The following ZNF143 variants were observed in gnomAD, a reference collection of about 807,000 sequenced individuals.
The protein encoded by ZNF143 is zinc finger protein 143, also known as SPH-binding factor.
In ZNF143, 49 loss-of-function variants were observed where a neutral mutation model predicts 74.1. The ratio of observed to expected loss-of-function variants is 0.66; its 90% CI spans 0.53 to 0.84. The LOEUF (loss-of-function observed/expected upper bound fraction) is 0.84. ZNF143 is among the 40% of genes least tolerant of loss of function. The pLI, the probability that ZNF143 is intolerant of heterozygous loss-of-function variation, is 0.00. For missense variants in ZNF143, 637 were observed against 793.4 expected, an observed-to-expected ratio of 0.80 and a Z score of 2.37; for synonymous variants, 304 against 282.8, an observed-to-expected ratio of 1.07 and a Z score of -0.75.
At chr11:9,501,063 T>C in intron 10 of ZNF143, 28 bp from the exon 11 acceptor site, 3 of 1,613,230 alleles carry the variant, frequency 1.9e-6, no homozygotes, top group Non-Finnish European at 2.5e-6. Flanking sequence ...TTTTGCACCA[T>C]TTAATGTATT....
At chr11:9,461,242 G>T (rs1162471311) in intron 1 of ZNF143, among the ~76,000 whole-genome samples, 166 bp downstream of exon 1, 1 of 152,156 alleles carries the variant, frequency 6.6e-6, no homozygotes, top group Non-Finnish European at 1.5e-5. Flanking sequence ...GCGGCGTCTG[G>T]GCAGAAGCGG....
At chr11:9,490,697 G>A (rs1389324838) in intron 7 of ZNF143, among the ~76,000 whole-genome samples, 1 of 151,984 alleles carries the variant, frequency 6.6e-6, no homozygotes, top group African/African-American at 2.4e-5. Flanking sequence ...ATTTTTAAAG[G>A]GTTCATAGAG....
chr11:9,507,892 A>G (rs1848418576), intron 11 of ZNF143, among the ~76,000 whole-genome samples: 1 of 152,224 alleles, frequency 6.6e-6, no homozygotes. Flanking sequence ...ATAAGAAACA[A>G]TATTGGTCAT....
intron 5 of ZNF143, among the ~76,000 whole-genome samples, chr11:9,476,746 C>CTTTTTTT (rs869069237): frequency 0.034 from 1,174 of 34,860 alleles, 370 homozygotes; most frequent in South Asian, 0.052. Flanking sequence ...AGGGAGGAAT[C>CTTTTTTT]TTTTTTTTTT....
chr11:9,521,951 A>G (rs1382943008), intron 14 of ZNF143, among the ~76,000 whole-genome samples: 1 of 151,862 alleles, frequency 6.6e-6, no homozygotes. Flanking sequence ...CAGTAGTCCC[A>G]GCTACTCAGG....
intron 7 of ZNF143, among the ~76,000 whole-genome samples, chr11:9,491,871 C>G (rs1474034434): frequency 6.6e-6 from 1 of 152,190 alleles, no homozygotes; most frequent in Non-Finnish European, 1.5e-5. Flanking sequence ...CTCAAACGAT[C>G]TGCCTTCCTT....
At chr11:9,484,089 T>C (rs1847360294) in intron 7 of ZNF143, among the ~76,000 whole-genome samples, 1 of 151,492 alleles carries the variant, frequency 6.6e-6, no homozygotes, top group Non-Finnish European at 1.5e-5. Context: ...ACTTGTGACT[T>C]ATTATATTTC....
chr11:9,515,653 C>CAAA (rs57158902), intron 13 of ZNF143, among the ~76,000 whole-genome samples: 1 of 86,032 alleles, frequency 1.2e-5, no homozygotes, highest in Non-Finnish European at 2.4e-5. Flanking sequence ...GACTCTGTCT[C>CAAA]AAAAAAAAAA....
chr11:9,513,373 A>G (rs1032040618), intron 13 of ZNF143, among the ~76,000 whole-genome samples: 2 of 152,226 alleles, frequency 1.3e-5, no homozygotes, highest in African/African-American at 4.8e-5. Flanking sequence ...TGACGTCACT[A>G]ATTTCACACT....
chr11:9,477,585 C>T (rs960522280), intron 5 of ZNF143, among the ~76,000 whole-genome samples: 2 of 151,950 alleles, frequency 1.3e-5, no homozygotes, highest in East Asian at 1.9e-4. Context: ...AAGAGTTAGT[C>T]ACAGGTTCAT....
intron 8 of ZNF143, among the ~76,000 whole-genome samples, chr11:9,495,060 A>G (rs1355679234): frequency 6.6e-6 from 1 of 152,202 alleles, no homozygotes; most frequent in African/African-American, 2.4e-5. Context: ...TATGAAATCC[A>G]TTTAATTATA....
intron 11 of ZNF143, among the ~76,000 whole-genome samples, chr11:9,503,003 T>C (rs1446339877): frequency 2.0e-5 from 3 of 152,084 alleles, no homozygotes; most frequent in Non-Finnish European, 4.4e-5. Context: ...GCTAATTTTT[T>C]GTATGTTTTA....
intron 14 of ZNF143, among the ~76,000 whole-genome samples, chr11:9,518,612 G>A (rs1056069376): frequency 3.9e-5 from 6 of 152,042 alleles, no homozygotes; most frequent in African/African-American, 1.4e-4. Flanking sequence ...AGCTACTCAG[G>A]AGGCTGAGGC....
intron 7 of ZNF143, among the ~76,000 whole-genome samples, chr11:9,494,264 AT>A (rs1343695303): frequency 6.6e-6 from 1 of 152,146 alleles, no homozygotes; most frequent in Non-Finnish European, 1.5e-5. Flanking sequence ...TGTCTTTTTA[AT>A]TCTGAAAATC....
chr11:9,504,260 A>G lies in ZNF143; in HGVS notation c.1147+2990A>G, dbSNP rs540932968. Reference sequence around the variant, plus strand: ...AGGTTTGAGCCACCACACCTGGCCAAAGCATCTTTTTATGTATTTATTAGC... The same window carrying G: ...AGGTTTGAGCCACCACACCTGGCCAGAGCATCTTTTTATGTATTTATTAGC... On this transcript the variant is annotated intron_variant, in intron 11 of 15. Coordinates refer to ENST00000396602, the MANE Select transcript of ZNF143 (RefSeq NM_003442.6). 7.7e-5 allele frequency among the ~76,000 whole-genome samples: 10 copies of G among 129,606 alleles called. 1 individual carries two copies. Among genetic ancestry groups the G allele is most frequent in the African/African-American group, 2.5e-4 (10 of 40,074 alleles). The allele number at this position is 129,606 out of a possible 152,430, so 85.0% of individuals were successfully genotyped here. A position where few individuals can be genotyped will look rare whatever the true frequency, so the allele number is the denominator to read the frequency against.
chr11:9,482,752 G>A (rs1735342371), intron 7 of ZNF143, among the ~76,000 whole-genome samples: 1 of 150,504 alleles, frequency 6.6e-6, no homozygotes. Flanking sequence ...GTTGCCACTA[G>A]CCATATGTGG....
chr11:9,465,894 A>G (rs574966412), intron 1 of ZNF143, among the ~76,000 whole-genome samples: 2 of 151,964 alleles, frequency 1.3e-5, no homozygotes, highest in African/African-American at 4.8e-5. Flanking sequence ...GCACAATCAC[A>G]GCTCACTGCA....
intron 15 of ZNF143, among the ~76,000 whole-genome samples, chr11:9,526,948 C>A (rs1849151099): frequency 6.6e-6 from 1 of 152,198 alleles, no homozygotes; most frequent in Non-Finnish European, 1.5e-5. Context: ...CCTCAGCCTC[C>A]CCAGTAGCTG....
intron 7 of ZNF143, among the ~76,000 whole-genome samples, chr11:9,482,566 G>A (rs1486008586): frequency 6.6e-6 from 1 of 151,332 alleles, no homozygotes; most frequent in Non-Finnish European, 1.5e-5. Flanking sequence ...CAGCGCACCC[G>A]GCCAAAAAAT....
Sources: allele counts gnomAD v4.1 joint callset (sites outside exome capture counted in the v4.1 genomes callset), GRCh38; gene constraint gnomAD v4.1.1; transcripts MANE v1.5; gene names NCBI Gene and HGNC (gene_info 2026-07-23, HGNC 2026-07-21).